Variants in DLG2 observed in about 807,000 individuals in gnomAD.
DLG2 encodes the protein disks large homolog 2.
A neutral mutation model predicts 132.5 loss-of-function variants in DLG2; 45 were observed. The ratio of observed to expected loss-of-function variants is 0.34; its 90% CI spans 0.27 to 0.44. The LOEUF (loss-of-function observed/expected upper bound fraction) is 0.44. Among genes scored for constraint, DLG2 ranks in the 20% least tolerant of loss-of-function variants. The pLI is 1.00. For missense variants in DLG2, 1,045 were observed against 1,196.9 expected (o/e 0.87, Z 1.87); for synonymous variants, 424 against 419.6 (o/e 1.01, Z -0.13).
intron 6 of DLG2, among the ~76,000 whole-genome samples, chr11:84,987,637 T>C (rs376393988): frequency 6.6e-6 from 1 of 152,138 alleles, no homozygotes; most frequent in African/African-American, 2.4e-5. Flanking sequence ...CAACTGATCT[T>C]TGACAAAGCA....
chr11:83,695,076 T>C (rs2081650221), intron 18 of DLG2, among the ~76,000 whole-genome samples: 1 of 152,260 alleles, frequency 6.6e-6, no homozygotes, highest in Admixed American at 6.5e-5. Flanking sequence ...TTTAAATACA[T>C]TCTCTTTCCT....
chr11:84,600,170 A>AGGAAAGAAGGAAAGAAGGAAAGAG (rs2154532067), intron 6 of DLG2, among the ~76,000 whole-genome samples: 1 of 118,576 alleles, frequency 8.4e-6, no homozygotes, highest in Non-Finnish European at 1.7e-5. Flanking sequence ...GAAAGAAAGA[A>AGGAAAGAAGGAAAGAAGGAAAGAG]AGAAAGAAAG....
intron 6 of DLG2, among the ~76,000 whole-genome samples, chr11:84,907,164 G>A (rs1257101813): frequency 1.3e-5 from 2 of 152,042 alleles, no homozygotes; most frequent in East Asian, 1.9e-4. Flanking sequence ...TACTCAATCC[G>A]CCCCTGACTG....
At chr11:85,458,557 T>C (rs1263894244) in intron 3 of DLG2, among the ~76,000 whole-genome samples, 2 of 152,252 alleles carry the variant, frequency 1.3e-5, no homozygotes, top group Admixed American at 1.3e-4. Context: ...TGTTGGCTTG[T>C]GTTCTGATAA....
intron 6 of DLG2, among the ~76,000 whole-genome samples, chr11:84,555,662 G>A (rs1022494911): frequency 7.9e-5 from 12 of 152,220 alleles, no homozygotes; most frequent in South Asian, 2.1e-4. Flanking sequence ...GGACTAGAGA[G>A]AGGAAGAAAT....
At position 83,786,774 on chromosome 11, in the gene DLG2, G is replaced by C. The variant is rs748374329; in HGVS notation, c.1741C>G (p.Arg581Gly). 6.2e-7 allele frequency: 1 copy of C among 1,613,932 alleles called. No individual in the cohort carries two copies. The highest frequency in any genetic ancestry group is 8.5e-7 in the Non-Finnish European group (1 of 1,179,992). Residue 581 changes from arginine (R) to glycine (G), a missense_variant, in exon 18 of 28, where the codon CGT becomes GGT. This residue lies in a region of DLG2 where 398 missense variants were observed against 543.6 expected (regional missense o/e 0.73). Coordinates refer to ENST00000376104, the MANE Select transcript of DLG2 (RefSeq NM_001142699.3). ...QILSVNGIDL[R>G]GASHEQAAAA... ...GCTGCCTGCTCGTGGGATGCACCAC[G>C]GAGGTCAATGCCATTCACCTGAAAG...
intron 6 of DLG2, among the ~76,000 whole-genome samples, chr11:85,046,211 A>G (rs2062332295): frequency 6.6e-6 from 1 of 152,054 alleles, no homozygotes; most frequent in Non-Finnish European, 1.5e-5. Context: ...TTTAGTTTCT[A>G]TCTGAGAGCT....
intron 5 of DLG2, among the ~76,000 whole-genome samples, chr11:85,120,934 T>C (rs1050340845): frequency 6.6e-6 from 1 of 152,070 alleles, no homozygotes; most frequent in Non-Finnish European, 1.5e-5. Flanking sequence ...TTTGAAAGTC[T>C]GTAAAGCTTT....
chr11:84,242,406 A>G (rs1479650141), intron 8 of DLG2, among the ~76,000 whole-genome samples: 1 of 151,680 alleles, frequency 6.6e-6, no homozygotes, highest in Non-Finnish European at 1.5e-5. Context: ...CAATCTAAAT[A>G]GAACTTTTTT....
intron 6 of DLG2, among the ~76,000 whole-genome samples, chr11:84,550,346 G>A (rs1323596401): frequency 2.0e-5 from 3 of 151,920 alleles, no homozygotes; most frequent in Non-Finnish European, 4.4e-5. Flanking sequence ...TGTATGTGAG[G>A]CCATCTTACC....
chr11:84,711,330 AAGAGAGAGAGAGAGAGAGAG>A (rs760750088), intron 6 of DLG2, among the ~76,000 whole-genome samples: 5 of 48,414 alleles, frequency 1.0e-4, no homozygotes, highest in Admixed American at 3.2e-4. Flanking sequence ...CAGAACCAGT[AAGAGAGAGAGAGAGAGAGAG>A]AGAGAGAGAG....
intron 4 of DLG2, among the ~76,000 whole-genome samples, chr11:85,204,946 C>T (rs2081759724): frequency 6.6e-6 from 1 of 151,890 alleles, no homozygotes; most frequent in African/African-American, 2.4e-5. Flanking sequence ...ACAGACTATT[C>T]AAGAAATGGT....
intron 9 of DLG2, among the ~76,000 whole-genome samples, chr11:84,154,288 G>A (rs985836396): frequency 2.0e-4 from 30 of 152,176 alleles, no homozygotes; most frequent in Non-Finnish European, 5.9e-5. Context: ...GTGAGCCACT[G>A]CACCCAGCCA....
At chr11:84,387,560 G>A (rs985986789) in intron 7 of DLG2, among the ~76,000 whole-genome samples, 1 of 152,180 alleles carries the variant, frequency 6.6e-6, no homozygotes, top group South Asian at 2.1e-4. Flanking sequence ...CTCAATAGTA[G>A]GCCTTTTGCT....
chr11:84,568,280 G>A (rs1038360928), intron 6 of DLG2, among the ~76,000 whole-genome samples: 3 of 152,132 alleles, frequency 2.0e-5, no homozygotes, highest in African/African-American at 4.8e-5. Context: ...AGGCCAAGGC[G>A]GATGGATCAC....
At chr11:83,689,937 AATATATATT>A (rs2080580515) in intron 18 of DLG2, among the ~76,000 whole-genome samples, 1 of 142,704 alleles carries the variant, frequency 7.0e-6, no homozygotes, top group Non-Finnish European at 1.5e-5. Flanking sequence ...ATAAATATAT[AATATATATT>A]ATATATATTT....
rs190059565 is a variant in DLG2, at chr11:84,493,221, T to C, written c.519+41349A>G. On this transcript the variant is annotated intron_variant, in intron 7 of 27. Transcript: ENST00000376104. Reference sequence around the variant, plus strand: ...CATCCAGCTGATTACTACTGACTCATTGGGTAGTTTTACTTTTGGCAGAGG... The same window carrying C: ...CATCCAGCTGATTACTACTGACTCACTGGGTAGTTTTACTTTTGGCAGAGG... 5.9e-5 allele frequency among the ~76,000 whole-genome samples: 9 copies of C among 152,242 alleles called. No homozygotes were observed. In the East Asian group the frequency reaches 1.5e-3, roughly 26 times the overall value.
intron 4 of DLG2, among the ~76,000 whole-genome samples, chr11:85,166,930 T>C (rs2078493391): frequency 6.6e-6 from 1 of 152,170 alleles, no homozygotes; most frequent in Admixed American, 6.5e-5. Flanking sequence ...AAGAATATTA[T>C]AATAAACTTA....
intron 4 of DLG2, among the ~76,000 whole-genome samples, chr11:85,199,009 T>A (rs1198191321): frequency 6.6e-6 from 1 of 152,190 alleles, no homozygotes; most frequent in East Asian, 1.9e-4. Context: ...TAGTTGGCAG[T>A]ACTATAAAGT....
Sources: gnomAD v4.1 joint callset for allele counts (sites outside exome capture counted in the v4.1 genomes callset) on GRCh38, gnomAD v4.1.1 for gene constraint, gnomAD v4.1.1 regional missense constraint, MANE v1.5 for transcripts, NCBI Gene and HGNC (gene_info 2026-07-23, HGNC 2026-07-21) for gene names.